Variants in TERF1 observed in about 807,000 individuals in gnomAD.
The protein encoded by TERF1 is telomeric repeat binding factor 1.
A neutral mutation model predicts 55.1 loss-of-function variants in TERF1; 20 were observed. The ratio of observed to expected loss-of-function variants is 0.36; its 90% confidence interval spans 0.26 to 0.53. TERF1 has a LOEUF of 0.53. Ranked by LOEUF, TERF1 falls within the 20% of genes least tolerant of loss-of-function variation. The pLI is 0.91. For missense variants in TERF1, 439 were observed against 535.7 expected (o/e 0.82, Z 1.78); for synonymous variants, 168 against 181.2 (o/e 0.93, Z 0.59).
chr8:73,020,086 ATATT>A (rs1485606372), intron 2 of TERF1, among the ~76,000 whole-genome samples: 3 of 152,184 alleles, frequency 2.0e-5, no homozygotes, highest in African/African-American at 7.2e-5. Flanking sequence ...TGATCAATAA[ATATT>A]TATTGAATGA....
At position 73,039,160 on chromosome 8, in the gene TERF1, A is replaced by G. The variant is rs777387846; in HGVS notation, c.1084A>G (p.Ile362Val). The G allele has an allele frequency of 1.2e-5, 20 of 1,606,154 alleles. No individual in the cohort carries two copies. In the South Asian group the frequency reaches 1.9e-4, roughly 15 times the overall value. The change falls in exon 9 of 10, where the codon ATA (isoleucine) becomes GTA (valine). Residue 362 changes from isoleucine (I) to valine (V), a missense_variant. This residue lies in a region of TERF1 where 140 missense variants were observed against 158.6 expected (regional missense o/e 0.88). Coordinates refer to ENST00000276603, the MANE Select transcript of TERF1 (RefSeq NM_017489.3). ...AAGCAGAAGAGCCACTGAAAGCAGA[A>G]TACCTGTTTCAAAGAGTCAGCCGGT... ...KESRRATESR[I>V]PVSKSQPVTP...
At chr8:73,024,351 A>G (rs1296812690) in intron 4 of TERF1, among the ~76,000 whole-genome samples, 1 of 152,358 alleles carries the variant, frequency 6.6e-6, no homozygotes, top group African/African-American at 2.4e-5. Context: ...AAGAATACGC[A>G]TCGTACAACA....
In TERF1 at chr8:73,039,237, A is replaced by G. The variant is rs1809732525; in HGVS notation, c.1143+18A>G. Reference sequence around the variant, plus strand: ...AAAGACAGGTATTTGGTTTTTTAAAATTCGAATAACGCTTATGGACATTAA... The same window carrying G: ...AAAGACAGGTATTTGGTTTTTTAAAGTTCGAATAACGCTTATGGACATTAA... On this transcript the variant is annotated intron_variant, in intron 9 of 9. Coordinates refer to ENST00000276603, the MANE Select transcript of TERF1 (RefSeq NM_017489.3). 5.9e-6 allele frequency: 9 copies of G among 1,518,406 alleles called. No individual in the cohort carries two copies. Among genetic ancestry groups the G allele is most frequent in the Non-Finnish European group, 8.1e-6 (9 of 1,109,588 alleles). 94.1% of individuals were successfully genotyped at this position (1,518,406 alleles called of 1,614,324 possible). A position where few individuals can be genotyped will look rare whatever the true frequency, so the allele number is the denominator to read the frequency against.
intron 1 of TERF1, 176 bp downstream of exon 1, chr8:73,009,381 C>A: frequency 1.7e-6 from 1 of 603,198 alleles, no homozygotes; most frequent in Non-Finnish European, 2.9e-6. Flanking sequence ...CCGTTGTCAG[C>A]ACCTGAGTTT....
chr8:73,017,762 A>G (rs2929583), intron 2 of TERF1, among the ~76,000 whole-genome samples: 101,519 of 150,032 alleles, frequency 0.68, 35,040 homozygotes, highest in Middle Eastern at 0.76. Flanking sequence ...GAGTACAGTG[A>G]CGCCATCTTG....
intron 2 of TERF1, among the ~76,000 whole-genome samples, chr8:73,017,550 G>T (rs1171448454): frequency 6.6e-6 from 1 of 152,046 alleles, no homozygotes; most frequent in Non-Finnish European, 1.5e-5. Context: ...GTTATCATCT[G>T]TTTATCCTTA....
chr8:73,012,848 C>T (rs1198889108), intron 1 of TERF1: 1 of 444,354 alleles, frequency 2.3e-6, no homozygotes, highest in East Asian at 7.0e-5. Flanking sequence ...TTAATTGTGT[C>T]TTCTCAGATT....
Position 73,030,410 on chromosome 8 carries a change from C to A in TERF1, c.947+15C>A, listed in dbSNP as rs201072411. 21 of 1,462,406 alleles carry A rather than the reference C, an allele frequency of 1.4e-5. No homozygotes were observed. Among genetic ancestry groups the A allele is most frequent in the Admixed American group, 2.8e-5 (1 of 35,544 alleles). 90.6% of individuals were successfully genotyped at this position (1,462,406 alleles called of 1,614,324 possible). On this transcript the variant is annotated intron_variant, in intron 7 of 9. Transcript: ENST00000276603. ...TCCTTATTGAGGTGAAGTAAATTGA[C>A]GTTTTTCTTCTTTGTCTTTCAAATC...
At position 73,047,867 on chromosome 8, in the gene TERF1, C is replaced by G. The variant is rs1202912619; in HGVS notation, c.*1730C>G. On this transcript the variant is annotated 3_prime_UTR_variant, in exon 10 of 10. Transcript: ENST00000276603. ...GCCAAAATAGACTTGTTAAGTCAAC[C>G]TCATTCCAAACACCTGCTATAGATC... 2.6e-5 allele frequency: 4 copies of G among 152,164 alleles called. No homozygotes were observed. Among genetic ancestry groups the G allele is most frequent in the African/African-American group, 9.6e-5 (4 of 41,456 alleles). 9.4% of individuals were successfully genotyped at this position (152,164 alleles called of 1,614,324 possible).
chr8:73,042,517 C>A (rs577691492), intron 9 of TERF1, among the ~76,000 whole-genome samples: 1 of 151,778 alleles, frequency 6.6e-6, no homozygotes, highest in East Asian at 1.9e-4. Context: ...TTTTCTTTTG[C>A]TGCATTGGTC....
chr8:73,014,846 G>A (rs372853995), intron 2 of TERF1, among the ~76,000 whole-genome samples: 1 of 152,176 alleles, frequency 6.6e-6, no homozygotes, highest in African/African-American at 2.4e-5. Context: ...TCTGGAGTTG[G>A]TGCCAGGACC....
In TERF1 at chr8:73,041,340, G is replaced by C. The variant is rs181555519; in HGVS notation, c.1143+2121G>C. On this transcript the variant is annotated intron_variant, in intron 9 of 9. Coordinates refer to ENST00000276603, the MANE Select transcript of TERF1 (RefSeq NM_017489.3). Reference sequence around the variant, plus strand: ...CTTGTTGTCTCTGGGTTTCCCTAGAGACTGCTTTTTAATAAGAATCTGAGG... The same window carrying C: ...CTTGTTGTCTCTGGGTTTCCCTAGACACTGCTTTTTAATAAGAATCTGAGG... Among the ~76,000 whole-genome samples the C allele has an allele frequency of 7.9e-5, 12 of 152,268 alleles. No individual in the cohort carries two copies. In the East Asian group the frequency reaches 2.1e-3, roughly 27 times the overall value.
chr8:73,021,061 A>G (rs561796826), intron 3 of TERF1, among the ~76,000 whole-genome samples: 2 of 152,274 alleles, frequency 1.3e-5, no homozygotes, highest in Admixed American at 1.3e-4. Context: ...TGATGCTTAA[A>G]GATTATGTAA....
chr8:73,017,523 C>G (rs751905856), intron 2 of TERF1, among the ~76,000 whole-genome samples: 9 of 152,096 alleles, frequency 5.9e-5, no homozygotes, highest in African/African-American at 9.7e-5. Context: ...CCTTCCCATC[C>G]TTGTAGTCTA....
intron 1 of TERF1, chr8:73,010,307 C>T (rs1418782433): frequency 1.3e-5 from 2 of 152,082 alleles, no homozygotes; most frequent in Non-Finnish European, 2.9e-5. Context: ...GTTCAAGGAT[C>T]TTTCCTCTGT....
intron 9 of TERF1, among the ~76,000 whole-genome samples, chr8:73,039,770 GGTGTGTGTGTGTGTGTGT>G (rs35184446): frequency 4.8e-4 from 66 of 136,454 alleles, no homozygotes; most frequent in Non-Finnish European, 8.9e-4. Context: ...TTGTTTTTGT[GGTGTGTGTGTGTGTGTGT>G]GTGTGTGTGT....
rs533412609 is a variant in TERF1, at chr8:73,012,800, C to T, written c.320-1095C>T. On this transcript the variant is annotated intron_variant, in intron 1 of 9. Coordinates refer to ENST00000276603, the MANE Select transcript of TERF1 (RefSeq NM_017489.3). ...GTCTGCACCTATCCTTCGTGGTACT[C>T]ATTAAAATTTTAATTAGTTACTTAC... 9.9e-5 allele frequency: 41 copies of T among 414,188 alleles called. 1 individual carries two copies. Among genetic ancestry groups the T allele is most frequent in the Middle Eastern group, 4.3e-4 (1 of 2,328 alleles). The allele number at this position is 414,188 out of a possible 1,614,324, so 25.7% of individuals were successfully genotyped here.
At chr8:73,038,270 G>C (rs139305989) in intron 8 of TERF1, among the ~76,000 whole-genome samples, 1 of 151,970 alleles carries the variant, frequency 6.6e-6, no homozygotes, top group African/African-American at 2.4e-5. Context: ...GTGCAATATA[G>C]TGAAACCATG....
intron 7 of TERF1, 75 bp from the exon 8 acceptor site, chr8:73,031,967 G>A: frequency 9.8e-7 from 1 of 1,020,876 alleles, no homozygotes; most frequent in Non-Finnish European, 1.5e-6. Flanking sequence ...ACAGATTAAG[G>A]CAAATCATTT....
Sources: gnomAD v4.1 joint callset for allele counts (sites outside exome capture counted in the v4.1 genomes callset) on GRCh38, gnomAD v4.1.1 for gene constraint, gnomAD v4.1.1 regional missense constraint, MANE v1.5 for transcripts, NCBI Gene and HGNC (gene_info 2026-07-23, HGNC 2026-07-21) for gene names.